The following ANKRD6 variants were observed in gnomAD, a reference collection of about 807,000 sequenced individuals.
The protein encoded by ANKRD6 is ankyrin repeat domain-containing protein 6.
Under a neutral mutation model 82.3 loss-of-function variants are expected in ANKRD6, and 56 were observed. The ratio of observed to expected loss-of-function variants is 0.68; its 90% CI spans 0.55 to 0.85. The LOEUF is 0.85. Ranked by LOEUF, ANKRD6 falls within the 40% of genes least tolerant of loss-of-function variation. The pLI is 0.00. For missense variants in ANKRD6, 852 were observed against 907.6 expected, an observed-to-expected ratio of 0.94 and a Z score of 0.79; for synonymous variants, 347 against 352.1, an observed-to-expected ratio of 0.99 and a Z score of 0.16.
intron 2 of ANKRD6, among the ~76,000 whole-genome samples, chr6:89,594,240 C>T (rs1169809016): frequency 6.6e-6 from 1 of 152,120 alleles, no homozygotes; most frequent in Non-Finnish European, 1.5e-5. Context: ...ATCACTTGAG[C>T]CCAGGAGTTC....
intron 1 of ANKRD6, among the ~76,000 whole-genome samples, chr6:89,489,320 A>G (rs1298098946): frequency 6.6e-6 from 1 of 152,148 alleles, no homozygotes; most frequent in African/African-American, 2.4e-5. Context: ...GTGCCCCTGA[A>G]TCATGTCTTT....
At chr6:89,558,038 T>A (rs1207428182) in intron 1 of ANKRD6, among the ~76,000 whole-genome samples, 1 of 152,200 alleles carries the variant, frequency 6.6e-6, no homozygotes, top group Non-Finnish European at 1.5e-5. Context: ...ATAAATGTAA[T>A]GTGCTTGGAT....
At chr6:89,554,156 G>A (rs1210972601) in intron 1 of ANKRD6, among the ~76,000 whole-genome samples, 2 of 152,148 alleles carry the variant, frequency 1.3e-5, no homozygotes, top group Non-Finnish European at 2.9e-5. Context: ...CACTGCAAAC[G>A]ACATGGCTGG....
At chr6:89,549,166 C>T (rs141762734) in intron 1 of ANKRD6, among the ~76,000 whole-genome samples, 51 of 151,996 alleles carry the variant, frequency 3.4e-4, no homozygotes, top group Non-Finnish European at 6.8e-4. Flanking sequence ...GCCATGAGCG[C>T]GCCACTGCAT....
At chr6:89,617,911 AC>A (rs1554264411) in intron 8 of ANKRD6, 42 bp from the exon 9 acceptor site, 1 of 1,587,766 alleles carries the variant, frequency 6.3e-7, no homozygotes, top group African/African-American at 1.3e-5. Context: ...TGCGTGTGGG[AC>A]CCGTGGCCCT....
chr6:89,470,682 TTG>T (rs869093381), intron 1 of ANKRD6, among the ~76,000 whole-genome samples: 5 of 21,662 alleles, frequency 2.3e-4, no homozygotes, highest in East Asian at 0.062. Flanking sequence ...TTTTTCTGTT[TTG>T]TTTTGTTTTG....
chr6:89,463,078 GA>G (rs59145344), intron 1 of ANKRD6, among the ~76,000 whole-genome samples: 2,412 of 151,942 alleles, frequency 0.016, 64 homozygotes, highest in African/African-American at 0.055. Flanking sequence ...ATGTTGCCCT[GA>G]CTTGTTTCAA....
rs141065958 is a variant in ANKRD6, at chr6:89,493,422, TTC to T, written c.-144+60049_-144+60050del. ...TCCCTCTCCTTTTTTAATTTTTTTA[TTC>T]TTTGAGACAGGGTCTTGCTCTGTCA... On this transcript the variant is annotated intron_variant, in intron 1 of 15. Transcript: ENST00000339746. Among the ~76,000 whole-genome samples the T allele has an allele frequency of 9.0e-4, 137 of 152,284 alleles. 1 individual carries two copies. The highest frequency in any genetic ancestry group is 1.5e-3 in the Non-Finnish European group (102 of 68,026).
At chr6:89,474,705 C>G (rs1775850801) in intron 1 of ANKRD6, among the ~76,000 whole-genome samples, 1 of 152,182 alleles carries the variant, frequency 6.6e-6, no homozygotes, top group Non-Finnish European at 1.5e-5. Flanking sequence ...GTGTGAGCCA[C>G]CGCTCCCAGC....
chr6:89,603,320 ATTTTTTTTTTT>A (rs1229759944), intron 4 of ANKRD6, among the ~76,000 whole-genome samples, 193 bp downstream of exon 4: 2 of 114,712 alleles, frequency 1.7e-5, no homozygotes, highest in African/African-American at 3.5e-5. Flanking sequence ...GCCAATTGTA[ATTTTTTTTTTT>A]TTTTTTTTTT....
At chr6:89,494,902 T>C (rs1778415339) in intron 1 of ANKRD6, among the ~76,000 whole-genome samples, 1 of 152,170 alleles carries the variant, frequency 6.6e-6, no homozygotes, top group South Asian at 2.1e-4. Context: ...ATAAATTGAT[T>C]ACTGGTTTGG....
At chr6:89,629,368 G>T (rs1159157232) in intron 15 of ANKRD6, 130 bp downstream of exon 15, 1 of 1,333,002 alleles carries the variant, frequency 7.5e-7, no homozygotes, top group African/African-American at 1.4e-5. Context: ...GCACTCTGTA[G>T]GGGCAAGGAC....
At chr6:89,535,962 G>T (rs1344792053) in intron 1 of ANKRD6, among the ~76,000 whole-genome samples, 2 of 152,204 alleles carry the variant, frequency 1.3e-5, no homozygotes, top group African/African-American at 4.8e-5. Context: ...AGGTGTGGTG[G>T]CTCATGTCTG....
At chr6:89,453,758 T>TTATC (rs1419825262) in intron 1 of ANKRD6, among the ~76,000 whole-genome samples, 1 of 150,032 alleles carries the variant, frequency 6.7e-6, no homozygotes, top group East Asian at 1.9e-4. Flanking sequence ...TATTTTTTAT[T>TTATC]TATTTATTTA....
At chr6:89,455,486 G>A (rs796227031) in intron 1 of ANKRD6, among the ~76,000 whole-genome samples, 3 of 152,186 alleles carry the variant, frequency 2.0e-5, no homozygotes, top group African/African-American at 7.2e-5. Context: ...CATTTGATGT[G>A]GTTTCAGTCT....
At chr6:89,513,268 G>T (rs968495751) in intron 1 of ANKRD6, among the ~76,000 whole-genome samples, 2 of 152,000 alleles carry the variant, frequency 1.3e-5, no homozygotes, top group African/African-American at 4.8e-5. Flanking sequence ...TGCACAAACC[G>T]TAAAAATACA....
intron 1 of ANKRD6, among the ~76,000 whole-genome samples, chr6:89,536,562 T>C (rs1783866817): frequency 6.6e-6 from 1 of 152,182 alleles, no homozygotes; most frequent in Admixed American, 6.5e-5. Flanking sequence ...CGAAGACATG[T>C]TTGGGAGTTT....
At chr6:89,506,313 C>A (rs1779847117) in intron 1 of ANKRD6, among the ~76,000 whole-genome samples, 1 of 152,076 alleles carries the variant, frequency 6.6e-6, no homozygotes, top group African/African-American at 2.4e-5. Context: ...TAAATTTATA[C>A]AATTTTATTT....
chr6:89,558,492 T>G (rs1786928849), intron 1 of ANKRD6, among the ~76,000 whole-genome samples: 1 of 152,088 alleles, frequency 6.6e-6, no homozygotes, highest in Non-Finnish European at 1.5e-5. Context: ...CACTGTATGA[T>G]TCCAGCCACA....
Sources: allele counts gnomAD v4.1 joint callset (sites outside exome capture counted in the v4.1 genomes callset), GRCh38; gene constraint gnomAD v4.1.1; transcripts MANE v1.5; gene names NCBI Gene and HGNC (gene_info 2026-07-23, HGNC 2026-07-21).